The following WNK1 variants were observed in gnomAD, a reference collection of about 807,000 sequenced individuals.
The protein encoded by WNK1 is WNK lysine deficient protein kinase 1.
Under a neutral mutation model 222.8 loss-of-function variants are expected in WNK1, and 38 were observed. The ratio of observed to expected loss-of-function variants is 0.17; its 90% CI spans 0.13 to 0.22. WNK1 has a LOEUF of 0.22. Among genes scored for constraint, WNK1 ranks in the 10% least tolerant of loss-of-function variants. The pLI, the probability that WNK1 is intolerant of heterozygous loss-of-function variation, is 1.00. For missense variants in WNK1, 2,348 were observed against 2,918.4 expected, an observed-to-expected ratio of 0.80 and a Z score of 4.50; for synonymous variants, 1,090 against 1,092.9, an observed-to-expected ratio of 1.00 and a Z score of 0.05.
chr12:802,637 T>G (rs1317212872), intron 1 of WNK1, among the ~76,000 whole-genome samples: 9 of 152,224 alleles, frequency 5.9e-5, no homozygotes, highest in Admixed American at 5.2e-4. Flanking sequence ...AAAAATCCTT[T>G]ACTTAATTTT....
chr12:819,097 T>C (rs1017943381), intron 2 of WNK1, among the ~76,000 whole-genome samples: 4 of 152,238 alleles, frequency 2.6e-5, no homozygotes, highest in African/African-American at 9.6e-5. Context: ...CCCTAATGAT[T>C]AATAATGTGG....
intron 1 of WNK1, among the ~76,000 whole-genome samples, chr12:786,718 T>TG (rs911664578): frequency 6.6e-6 from 1 of 152,152 alleles, no homozygotes; most frequent in African/African-American, 2.4e-5. Context: ...CCACCCACCT[T>TG]GGCCTCCCAA....
At chr12:855,490 A>G (rs1305160671) in intron 4 of WNK1, among the ~76,000 whole-genome samples, 5 of 152,154 alleles carry the variant, frequency 3.3e-5, no homozygotes, top group African/African-American at 1.2e-4. Flanking sequence ...TATTTCATTT[A>G]TTTCATTTAG....
rs531560194 is a variant in WNK1 at position 845,190 on chromosome 12, C to T, written c.1312-11971C>T. Among the ~76,000 whole-genome samples, 34 of 152,200 alleles carry T rather than the reference C, an allele frequency of 2.2e-4. 1 individual carries two copies. The highest frequency in any genetic ancestry group is 3.5e-4 in the Non-Finnish European group (24 of 67,996). ...GATTACAGGCGTGAGCCACCGCGCC[C>T]GGCCTGTACCTTCTCTTAAGTCAGC... On this transcript the variant is annotated intron_variant, in intron 4 of 27. Coordinates refer to ENST00000315939, the MANE Select transcript of WNK1 (RefSeq NM_018979.4).
In WNK1 at chr12:896,720, G is replaced by C; in HGVS notation, c.6233G>C (p.Arg2078Pro). Residue 2078 changes from arginine (R) to proline (P), a missense_variant, in exon 24 of 28, where the codon CGA (arginine) becomes CCA (proline). Physicochemically the swap from Arg to Pro is moderately radical, Grantham distance 103. Around this residue, in one of 13 missense-constraint regions of WNK1, gnomAD observed 1,144 missense variants for 1,273.6 expected, o/e 0.90. Transcript: ENST00000315939. ...GAAGACTTAAAGTTAGAGCTGCGAC[G>C]ACTACGAGATAAGTAAGTATATTTT... ...EDEDLKLELRRLRDKHLKEIQ... is the reference protein window; with the variant it reads ...EDEDLKLELRPLRDKHLKEIQ... 6.2e-7 allele frequency: 1 copy of C among 1,608,670 alleles called. No individual in the cohort carries two copies. Among genetic ancestry groups the C allele is most frequent in the Non-Finnish European group, 8.5e-7 (1 of 1,179,084 alleles).
intron 22 of WNK1, among the ~76,000 whole-genome samples, chr12:893,550 G>A (rs1015150269): frequency 1.1e-4 from 17 of 152,162 alleles, no homozygotes; most frequent in African/African-American, 4.1e-4. Flanking sequence ...AGGGCTGGGT[G>A]CAGTGGCTCA....
At chr12:794,130 A>G (rs1294321607) in intron 1 of WNK1, among the ~76,000 whole-genome samples, 2 of 152,296 alleles carry the variant, frequency 1.3e-5, no homozygotes, top group South Asian at 4.1e-4. Flanking sequence ...ATTTGATTGT[A>G]TGGAGATACC....
At chr12:813,960 GC>G in intron 2 of WNK1, 146 bp downstream of exon 2, 1 of 836,870 alleles carries the variant, frequency 1.2e-6, no homozygotes, top group Non-Finnish European at 1.9e-6. Flanking sequence ...ATATTTCCTT[GC>G]CCACAAAGTC....
At chr12:756,293 C>T (rs1341284098) in intron 1 of WNK1, among the ~76,000 whole-genome samples, 1 of 152,090 alleles carries the variant, frequency 6.6e-6, no homozygotes, top group East Asian at 1.9e-4. Flanking sequence ...CTTTTATCAC[C>T]TGGAATTTTC....
chr12:890,935 G>A (rs1954165918), intron 22 of WNK1, among the ~76,000 whole-genome samples: 1 of 152,060 alleles, frequency 6.6e-6, no homozygotes, highest in South Asian at 2.1e-4. Flanking sequence ...TATTTTCAAG[G>A]CAATTATATT....
At chr12:886,235 G>T in intron 19 of WNK1, 151 bp downstream of exon 19, 3 of 677,686 alleles carry the variant, frequency 4.4e-6, no homozygotes, top group South Asian at 2.4e-5. Flanking sequence ...CAGTTTGAGG[G>T]TATATCTACA....
At chr12:877,544 A>G (rs1168356980) in intron 9 of WNK1, among the ~76,000 whole-genome samples, 1 of 152,202 alleles carries the variant, frequency 6.6e-6, no homozygotes, top group Non-Finnish European at 1.5e-5. Flanking sequence ...TCCCTAGTAC[A>G]TAGTAGATTC....
chr12:785,834 C>G (rs897859515), intron 1 of WNK1, among the ~76,000 whole-genome samples: 2 of 152,026 alleles, frequency 1.3e-5, no homozygotes, highest in Admixed American at 6.5e-5. Context: ...ATCCCATGAG[C>G]CTTGGTTGTC....
At chr12:847,801 CTTTT>C (rs898832948) in intron 4 of WNK1, among the ~76,000 whole-genome samples, 14 of 68,648 alleles carry the variant, frequency 2.0e-4, no homozygotes, top group Non-Finnish European at 2.4e-4. Flanking sequence ...GATTAATTCT[CTTTT>C]TTTTTTTTTT....
At chr12:793,430 C>T (rs760264139) in intron 1 of WNK1, among the ~76,000 whole-genome samples, 6 of 152,100 alleles carry the variant, frequency 3.9e-5, no homozygotes, top group Non-Finnish European at 5.9e-5. Context: ...TAGTAAATTT[C>T]GGTCAAAAAT....
intron 12 of WNK1, chr12:881,483 T>A (rs1425296635): frequency 1.7e-6 from 1 of 593,850 alleles, no homozygotes; most frequent in African/African-American, 1.9e-5. Context: ...CCTCATACCA[T>A]GCAGTCTATA....
chr12:757,224 G>T (rs1591556151), intron 1 of WNK1, among the ~76,000 whole-genome samples: 1 of 150,112 alleles, frequency 6.7e-6, no homozygotes, highest in South Asian at 2.1e-4. Context: ...GGGTCAATAT[G>T]GTATACAAAT....
chr12:860,415 A>G (rs1951115260), intron 6 of WNK1, among the ~76,000 whole-genome samples: 1 of 152,248 alleles, frequency 6.6e-6, no homozygotes, highest in African/African-American at 2.4e-5. Context: ...TTATTATGGA[A>G]AGATAACTCA....
chr12:754,377 G>A, intron 1 of WNK1, 53 bp downstream of exon 1: 1 of 1,610,136 alleles, frequency 6.2e-7, no homozygotes, highest in Non-Finnish European at 8.5e-7. Flanking sequence ...AATTTGGCTC[G>A]GCGAAGCCAG....
Sources: gnomAD v4.1 joint callset for allele counts (sites outside exome capture counted in the v4.1 genomes callset) on GRCh38, gnomAD v4.1.1 for gene constraint, gnomAD v4.1.1 regional missense constraint, MANE v1.5 for transcripts, NCBI Gene and HGNC (gene_info 2026-07-23, HGNC 2026-07-21) for gene names.